PRDM14: variants seen among roughly 807,000 people sequenced by gnomAD.
PRDM14 encodes PR/SET domain 14.
In PRDM14, 16 loss-of-function variants were observed where a neutral mutation model predicts 48.0. The observed-to-expected ratio is 0.33, with a 90% CI of 0.23 to 0.51. PRDM14 has a LOEUF of 0.51. Ranked by LOEUF, PRDM14 falls within the 20% of genes least tolerant of loss-of-function variation. The pLI is 0.97. For missense variants in PRDM14, 566 were observed against 719.6 expected, an observed-to-expected ratio of 0.79 and a Z score of 2.44; for synonymous variants, 264 against 276.6, an observed-to-expected ratio of 0.95 and a Z score of 0.45.
chr8:70,055,492 T>A (rs3750226), intron 6 of PRDM14, 91 bp from the exon 7 acceptor site: 1 of 659,442 alleles, frequency 1.5e-6, no homozygotes, highest in East Asian at 2.8e-5. Context: ...AGAGAAGAAC[T>A]CTTTTCCAAT....
Position 70,066,423 on chromosome 8 carries a change from C to T in PRDM14, c.995G>A (p.Arg332His). ...GNWMSYVNCA[R>H]FPKEQNLVAV... is the part of the protein sequence containing the mutation. Reference sequence around the variant, plus strand: ...AACTAGGTTCTGCTCCTTGGGGAAGCGGGCACAGTTGACATAGGACATCCA... The same window carrying T: ...AACTAGGTTCTGCTCCTTGGGGAAGTGGGCACAGTTGACATAGGACATCCA... Residue 332 changes from arginine (R) to histidine (H), a missense_variant, in exon 5 of 8, where the codon CGC becomes CAC. By Grantham distance (29) the Arg-to-His change is conservative. Transcript: ENST00000276594. 6.2e-7 allele frequency: 1 copy of T among 1,614,150 alleles called. No individual in the cohort carries two copies. The highest frequency in any genetic ancestry group is 8.5e-7 in the Non-Finnish European group (1 of 1,180,022).
chr8:70,069,711 G>C lies in PRDM14; in HGVS notation c.150C>G (p.Phe50Leu), dbSNP rs144351850. The C allele has an allele frequency of 3.2e-6, 5 of 1,573,118 alleles. No homozygotes were observed. The highest frequency in any genetic ancestry group is 4.3e-6 in the Non-Finnish European group (5 of 1,159,062). The stretch of plus-strand genomic sequence containing the variant: ...CGGCCTCCAGCTGCCGGAAAGGTTG[G>C]AAGTCTTCCTCCACGGTGGCCAGGC... The part of the protein sequence containing the change: ...RNSLATVEED[F>L]QPFRQLEAAA... The change falls in exon 2 of 8, where the codon TTC becomes TTG. Residue 50 changes from phenylalanine (F) to leucine (L), a missense_variant. By Grantham distance (22) the Phe-to-Leu change is conservative (BLOSUM62 0). Transcript: ENST00000276594.
chr8:70,070,064 T>A (rs113435989), intron 1 of PRDM14, among the ~76,000 whole-genome samples, 180 bp from the exon 2 acceptor site: 3,721 of 152,028 alleles, frequency 0.024, 156 homozygotes, highest in African/African-American at 0.086. Flanking sequence ...AAAACAGCAA[T>A]AGAAGCAAAC....
At chr8:70,057,382 T>G (rs1378677958) in intron 6 of PRDM14, among the ~76,000 whole-genome samples, 2 of 151,360 alleles carry the variant, frequency 1.3e-5, no homozygotes, top group Non-Finnish European at 2.9e-5. Flanking sequence ...CAGGCTGCAG[T>G]GCAATGACAC....
chr8:70,052,631 A>G (rs894875306), intron 7 of PRDM14, among the ~76,000 whole-genome samples: 7 of 151,996 alleles, frequency 4.6e-5, no homozygotes, highest in Non-Finnish European at 1.0e-4. Flanking sequence ...TTGGGAGGCC[A>G]AGGCAGGTGG....
intron 5 of PRDM14, among the ~76,000 whole-genome samples, chr8:70,061,069 G>A (rs557025933): frequency 1.4e-5 from 2 of 145,930 alleles, no homozygotes; most frequent in Middle Eastern, 3.5e-3. Flanking sequence ...AGACAAGACT[G>A]AGAGGTAAAT....
chr8:70,068,136 G>A, intron 4 of PRDM14, 94 bp downstream of exon 4: 3 of 1,400,950 alleles, frequency 2.1e-6, no homozygotes, highest in Non-Finnish European at 3.0e-6. Flanking sequence ...CTCTCTCTCT[G>A]ACCAGGACTC....
In PRDM14 at chr8:70,062,865, T is replaced by C. The variant is rs1445922628; in HGVS notation, c.1183+3370A>G. Among the ~76,000 whole-genome samples, 9 of 152,356 alleles carry C rather than the reference T, an allele frequency of 5.9e-5. No homozygotes were observed. In the South Asian group the frequency reaches 1.9e-3, roughly 32 times the overall value. ...GTGGAAATTCCCACTTTTGGCAATA[T>C]GTCAGTGCTCAGTTTCAGATTTTAG... On this transcript the variant is annotated intron_variant, in intron 5 of 7. Coordinates refer to ENST00000276594, the MANE Select transcript of PRDM14 (RefSeq NM_024504.4).
chr8:70,069,109 C>T, intron 2 of PRDM14, 52 bp downstream of exon 2: 1 of 1,389,340 alleles, frequency 7.2e-7, no homozygotes, highest in Non-Finnish European at 9.6e-7. Flanking sequence ...ACTCCCGTTC[C>T]CGCCTGCATT....
At chr8:70,068,455 A>T in intron 3 of PRDM14, 24 bp downstream of exon 3, 1 of 1,614,088 alleles carries the variant, frequency 6.2e-7, no homozygotes, top group Non-Finnish European at 8.5e-7. Context: ...AGGGAAAGAA[A>T]TCCATGCAAG....
chr8:70,052,839 T>C (rs1585645755), intron 7 of PRDM14, among the ~76,000 whole-genome samples: 2 of 113,248 alleles, frequency 1.8e-5, no homozygotes, highest in African/African-American at 7.0e-5. Flanking sequence ...TACTCCAGCC[T>C]GGGTGACAGA....
In PRDM14 at chr8:70,063,235, A is replaced by G. The variant is rs1046009070; in HGVS notation, c.1183+3000T>C. Among the ~76,000 whole-genome samples the G allele has an allele frequency of 2.0e-5, 3 of 152,180 alleles. No homozygotes were observed. The East Asian group carries it at 5.9e-4, about 30-fold the overall frequency. On this transcript the variant is annotated intron_variant, in intron 5 of 7. Coordinates refer to ENST00000276594, the MANE Select transcript of PRDM14 (RefSeq NM_024504.4). The stretch of plus-strand genomic sequence containing the variant: ...GATCACTTGAGTCCAGGAGTTCAAG[A>G]CCAGCCTGGCCAAAATGGCGAAACC...
At chr8:70,059,262 T>C (rs1038498465) in intron 5 of PRDM14, among the ~76,000 whole-genome samples, 8 of 148,770 alleles carry the variant, frequency 5.4e-5, no homozygotes, top group African/African-American at 2.0e-4. Context: ...GTCAAGAGAA[T>C]TTTCTTTTCT....
rs1219843569 is a variant in PRDM14, at chr8:70,051,976, G to C, written c.*101C>G. 7.7e-5 allele frequency: 59 copies of C among 765,932 alleles called. No homozygotes were observed. The highest frequency in any genetic ancestry group is 1.7e-5 in the Non-Finnish European group (8 of 470,322). The allele number at this position is 765,932 out of a possible 1,614,324, so 47.4% of individuals were successfully genotyped here. ...TTTGGTAGAGACAGGATTTCACCAT[G>C]TTGCCCAGGCTGGTCTCGAACTCCT... is the stretch of plus-strand genomic sequence containing the variant. On this transcript the variant is annotated 3_prime_UTR_variant, in exon 8 of 8. Coordinates refer to ENST00000276594, the MANE Select transcript of PRDM14 (RefSeq NM_024504.4).
rs546159009 is a variant in PRDM14, at chr8:70,066,281, G to A, written c.1137C>T (p.Ser379=). The change falls in exon 5 of 8, where the codon AGC becomes AGT. Residue 379 remains serine (S), a synonymous_variant. Transcript: ENST00000276594. ...GCTTCCCCGGCTCTGTGACCTGAAG[G>A]CTCACAGGAATATCCAGAAATTTCT... ...CYEKFLDIPV[S]LQVTEPGKQP... is the part of the protein sequence containing the mutation. 6.8e-6 allele frequency: 11 copies of A among 1,614,116 alleles called. No homozygotes were observed. The South Asian group carries it at 8.8e-5, about 13-fold the overall frequency.
At chr8:70,066,049 C>T (rs1339343102) in intron 5 of PRDM14, among the ~76,000 whole-genome samples, 186 bp downstream of exon 5, 6 of 152,070 alleles carry the variant, frequency 3.9e-5, no homozygotes, top group African/African-American at 9.7e-5. Flanking sequence ...GAGTAGCTTC[C>T]GCAGCTTTGG....
chr8:70,068,278 G>T lies in PRDM14; in HGVS notation c.864C>A (p.Val288=), dbSNP rs776487442. The change falls in exon 4 of 8, where the codon GTC becomes GTA. Residue 288 remains valine, a synonymous_variant. Coordinates refer to ENST00000276594, the MANE Select transcript of PRDM14 (RefSeq NM_024504.4). ...VRFGPFQGKV[V]NASEVKTYGD... ...CGTAGGTCTTCACTTCACTGGCATTGACCACTTTACCTTGAAAGGGCCCAA... is the reference window on the plus strand; with the variant it reads ...CGTAGGTCTTCACTTCACTGGCATTTACCACTTTACCTTGAAAGGGCCCAA... 6.8e-6 allele frequency: 11 copies of T among 1,614,070 alleles called. No individual in the cohort carries two copies. Among genetic ancestry groups the T allele is most frequent in the East Asian group, 2.2e-5 (1 of 44,902 alleles).
At position 70,051,660 on chromosome 8, in the gene PRDM14, C is replaced by T. The variant is rs1366081128; in HGVS notation, c.*417G>A. 1 of 156,046 alleles carries T rather than the reference C, an allele frequency of 6.4e-6. No homozygotes were observed. Among genetic ancestry groups the T allele is most frequent in the African/African-American group, 2.4e-5 (1 of 41,546 alleles). The allele number at this position is 156,046 out of a possible 1,614,324, so 9.7% of individuals were successfully genotyped here. On this transcript the variant is annotated 3_prime_UTR_variant, in exon 8 of 8. Transcript: ENST00000276594. ...AAAGTGTTGGAATAACAGGCGTGAG[C>T]CACCACACACAGCCAACTGCAGGGA...
At chr8:70,060,187 G>A (rs1480180227) in intron 5 of PRDM14, among the ~76,000 whole-genome samples, 4 of 151,652 alleles carry the variant, frequency 2.6e-5, no homozygotes, top group Middle Eastern at 3.2e-3. Flanking sequence ...GATCGCTTGA[G>A]CCCAGGAGTT....
Sources: allele counts gnomAD v4.1 joint callset (sites outside exome capture counted in the v4.1 genomes callset), GRCh38; gene constraint gnomAD v4.1.1; transcripts MANE v1.5; gene names NCBI Gene and HGNC (gene_info 2026-07-23, HGNC 2026-07-21).